Variants in HS3ST4 observed in about 807,000 individuals in gnomAD.
HS3ST4 encodes heparan sulfate glucosamine 3-O-sulfotransferase 4.
A neutral mutation model predicts 29.2 loss-of-function variants in HS3ST4; 17 were observed. That is an observed-to-expected ratio of 0.58 (90% CI 0.40 to 0.87). HS3ST4 has a LOEUF of 0.87. HS3ST4 is among the 40% of genes least tolerant of loss of function. HS3ST4 has a pLI of 0.00. For missense variants in HS3ST4, 627 were observed against 634.5 expected, an observed-to-expected ratio of 0.99 and a Z score of 0.13; for synonymous variants, 314 against 285.7, an observed-to-expected ratio of 1.10 and a Z score of -1.00.
chr16:25,937,171 C>T (rs1361648676), intron 1 of HS3ST4, among the ~76,000 whole-genome samples: 1 of 151,472 alleles, frequency 6.6e-6, no homozygotes, highest in East Asian at 1.9e-4. Context: ...GAACATCTGT[C>T]CAACTGGTTG....
chr16:26,113,635 G>T (rs1259861351), intron 1 of HS3ST4, among the ~76,000 whole-genome samples: 2 of 151,852 alleles, frequency 1.3e-5, no homozygotes, highest in Non-Finnish European at 2.9e-5. Flanking sequence ...ACTGGTTTTG[G>T]TCAACCATTT....
chr16:25,767,467 G>A (rs1966827566), intron 1 of HS3ST4, among the ~76,000 whole-genome samples: 1 of 152,106 alleles, frequency 6.6e-6, no homozygotes, highest in Non-Finnish European at 1.5e-5. Context: ...CATGGGAGGT[G>A]GGGGGTGACA....
chr16:25,965,923 C>G (rs1226438302), intron 1 of HS3ST4, among the ~76,000 whole-genome samples: 2 of 152,190 alleles, frequency 1.3e-5, no homozygotes, highest in Admixed American at 6.5e-5. Flanking sequence ...AAGTGATCCT[C>G]CCACCTGGGC....
intron 1 of HS3ST4, among the ~76,000 whole-genome samples, chr16:25,797,086 T>C (rs1966890260): frequency 6.6e-6 from 1 of 152,208 alleles, no homozygotes; most frequent in Non-Finnish European, 1.5e-5. Flanking sequence ...ATTATTGTCT[T>C]CATTCTATAA....
chr16:25,788,749 A>T (rs978736499), intron 1 of HS3ST4, among the ~76,000 whole-genome samples: 34 of 151,528 alleles, frequency 2.2e-4, no homozygotes, highest in African/African-American at 7.0e-4. Context: ...TGTGTTGCCC[A>T]GGCTGGTCTT....
At chr16:25,753,122 A>T (rs866475999) in intron 1 of HS3ST4, among the ~76,000 whole-genome samples, 1 of 152,220 alleles carries the variant, frequency 6.6e-6, no homozygotes, top group South Asian at 2.1e-4. Context: ...AAGTCAGTCT[A>T]TAAATAAGAG....
At chr16:25,788,276 G>T (rs1169265436) in intron 1 of HS3ST4, among the ~76,000 whole-genome samples, 1 of 151,984 alleles carries the variant, frequency 6.6e-6, no homozygotes, top group East Asian at 1.9e-4. Context: ...ATAGCTGTGT[G>T]TGGTGATGGG....
chr16:25,702,640 T>C (rs528919840), intron 1 of HS3ST4, among the ~76,000 whole-genome samples: 3 of 152,338 alleles, frequency 2.0e-5, no homozygotes, highest in Admixed American at 2.0e-4. Context: ...GAGGGTGATC[T>C]GAAAATATTG....
intron 1 of HS3ST4, among the ~76,000 whole-genome samples, chr16:25,743,862 CT>C (rs1966670065): frequency 6.6e-6 from 1 of 152,180 alleles, no homozygotes; most frequent in Non-Finnish European, 1.5e-5. Context: ...CCCCTAGCTC[CT>C]TCTGTAGCAA....
At chr16:25,925,131 G>T (rs775684839) in intron 1 of HS3ST4, among the ~76,000 whole-genome samples, 1 of 151,424 alleles carries the variant, frequency 6.6e-6, no homozygotes, top group African/African-American at 2.4e-5. Flanking sequence ...TGTTGTAAAT[G>T]TTTTCAATAC....
intron 1 of HS3ST4, among the ~76,000 whole-genome samples, chr16:26,001,101 A>G (rs1320938622): frequency 3.1e-5 from 4 of 129,132 alleles, no homozygotes; most frequent in Non-Finnish European, 6.5e-5. Flanking sequence ...AATTTTTATG[A>G]CATAATTTTT....
intron 1 of HS3ST4, among the ~76,000 whole-genome samples, chr16:25,965,881 G>A (rs1477228637): frequency 6.6e-6 from 1 of 152,160 alleles, no homozygotes; most frequent in African/African-American, 2.4e-5. Context: ...GAATTGCTGT[G>A]TTTCCCAGGC....
intron 1 of HS3ST4, among the ~76,000 whole-genome samples, chr16:26,015,086 C>G (rs963486986): frequency 6.6e-6 from 1 of 152,146 alleles, no homozygotes; most frequent in South Asian, 2.1e-4. Flanking sequence ...TGGAGTTAGC[C>G]AAGCTAGAGG....
At chr16:25,967,327 C>A (rs1596629734) in intron 1 of HS3ST4, among the ~76,000 whole-genome samples, 1 of 151,912 alleles carries the variant, frequency 6.6e-6, no homozygotes, top group East Asian at 1.9e-4. Context: ...CTAATTTTTG[C>A]ATTGTTTTAG....
intron 1 of HS3ST4, among the ~76,000 whole-genome samples, chr16:25,908,168 T>C (rs989146598): frequency 6.6e-6 from 1 of 152,204 alleles, no homozygotes; most frequent in Admixed American, 6.5e-5. Context: ...AGGCTCAGCC[T>C]GGCTGGGTCT....
chr16:25,962,593 G>T (rs905575304), intron 1 of HS3ST4, among the ~76,000 whole-genome samples: 3 of 152,154 alleles, frequency 2.0e-5, no homozygotes, highest in African/African-American at 4.8e-5. Flanking sequence ...TTTTTCCGGG[G>T]TGGCTCTCCT....
At chr16:26,058,094 G>A (rs1272495572) in intron 1 of HS3ST4, among the ~76,000 whole-genome samples, 3 of 152,190 alleles carry the variant, frequency 2.0e-5, no homozygotes, top group African/African-American at 7.2e-5. Context: ...ACAAGTTGTT[G>A]CAAGGAAAAC....
intron 1 of HS3ST4, among the ~76,000 whole-genome samples, chr16:25,746,892 G>T (rs544845240): frequency 6.6e-6 from 1 of 151,604 alleles, no homozygotes; most frequent in Admixed American, 6.6e-5. Flanking sequence ...TCCATCACCC[G>T]TGCTGAAATG....
chr16:26,001,516 G>A (rs1225884213), intron 1 of HS3ST4, among the ~76,000 whole-genome samples: 1 of 151,974 alleles, frequency 6.6e-6, no homozygotes. Flanking sequence ...GGTTTATCTT[G>A]TAGGCCATAA....
Sources: gnomAD v4.1 joint callset for allele counts (sites outside exome capture counted in the v4.1 genomes callset) on GRCh38, gnomAD v4.1.1 for gene constraint, MANE v1.5 for transcripts, NCBI Gene and HGNC (gene_info 2026-07-23, HGNC 2026-07-21) for gene names.